PAX7: variants seen among roughly 807,000 people sequenced by gnomAD.
The protein encoded by PAX7 is paired box protein Pax-7.
Under a neutral mutation model 50.7 loss-of-function variants are expected in PAX7, and 18 were observed. That is an observed-to-expected ratio of 0.36 (90% CI 0.25 to 0.53). PAX7 has a LOEUF of 0.53. PAX7 is among the 20% of genes least tolerant of loss of function. The pLI is 0.93. For missense variants in PAX7, 644 were observed against 702.9 expected (o/e 0.92, Z 0.95); for synonymous variants, 310 against 290.4 (o/e 1.07, Z -0.69).
chr1:18,743,669 T>C (rs1295222632), intron 8 of PAX7, among the ~76,000 whole-genome samples: 2 of 152,198 alleles, frequency 1.3e-5, no homozygotes, highest in Non-Finnish European at 2.9e-5. Flanking sequence ...AGCCAAATCA[T>C]TTGGTCAGGG....
At chr1:18,738,433 G>A (rs2100411644) in intron 8 of PAX7, among the ~76,000 whole-genome samples, 1 of 152,266 alleles carries the variant, frequency 6.6e-6, no homozygotes. Flanking sequence ...AAGTCAGCAT[G>A]GGGGCAGCAG....
At chr1:18,657,617 G>A (rs993773231) in intron 4 of PAX7, among the ~76,000 whole-genome samples, 3 of 152,092 alleles carry the variant, frequency 2.0e-5, no homozygotes, top group East Asian at 1.9e-4. Flanking sequence ...ACCCAGCTCC[G>A]CTAGGCCCAG....
At chr1:18,740,152 C>A (rs971971697) in intron 8 of PAX7, among the ~76,000 whole-genome samples, 2 of 152,276 alleles carry the variant, frequency 1.3e-5, no homozygotes, top group East Asian at 3.9e-4. Flanking sequence ...CAGGGAGGGC[C>A]GTTGACGGAG....
At chr1:18,660,151 G>C (rs576423369) in intron 4 of PAX7, among the ~76,000 whole-genome samples, 1 of 152,214 alleles carries the variant, frequency 6.6e-6, no homozygotes, top group Non-Finnish European at 1.5e-5. Context: ...CCCTAGGATA[G>C]GGCCAAATGG....
chr1:18,658,289 G>A (rs2088553631), intron 4 of PAX7, among the ~76,000 whole-genome samples: 2 of 143,616 alleles, frequency 1.4e-5, no homozygotes. Context: ...ATATGTTACT[G>A]AGCCCATCCT....
At chr1:18,719,156 C>T (rs779982520) in intron 7 of PAX7, among the ~76,000 whole-genome samples, 16 of 152,248 alleles carry the variant, frequency 1.1e-4, no homozygotes, top group Non-Finnish European at 8.8e-5. Flanking sequence ...GTGGGTGCAG[C>T]AATGGCCTTA....
intron 8 of PAX7, among the ~76,000 whole-genome samples, chr1:18,742,515 C>T (rs1317090051): frequency 1.3e-5 from 2 of 152,156 alleles, no homozygotes; most frequent in African/African-American, 4.8e-5. Context: ...CTTCCAGTAG[C>T]AGAGTTGGTG....
At chr1:18,695,577 G>A (rs146504453) in intron 5 of PAX7, among the ~76,000 whole-genome samples, 2 of 152,330 alleles carry the variant, frequency 1.3e-5, no homozygotes, top group East Asian at 3.9e-4. Context: ...CCTGCTAGAT[G>A]TTACCAGTGC....
At chr1:18,717,367 G>C (rs1250720328) in intron 7 of PAX7, among the ~76,000 whole-genome samples, 1 of 152,184 alleles carries the variant, frequency 6.6e-6, no homozygotes, top group African/African-American at 2.4e-5. Flanking sequence ...GCTGGAGAGA[G>C]AGGCTCCCTC....
At chr1:18,740,287 C>T (rs548251324) in intron 8 of PAX7, among the ~76,000 whole-genome samples, 1 of 152,270 alleles carries the variant, frequency 6.6e-6, no homozygotes, top group Non-Finnish European at 1.5e-5. Flanking sequence ...AGTTTGGCTT[C>T]CTGGTGTTTC....
intron 7 of PAX7, among the ~76,000 whole-genome samples, chr1:18,715,593 GATGC>G (rs1352291525): frequency 1.3e-5 from 2 of 152,152 alleles, no homozygotes; most frequent in African/African-American, 4.8e-5. Context: ...GGGGGGTCAA[GATGC>G]ATGCTAGAAT....
intron 7 of PAX7, among the ~76,000 whole-genome samples, chr1:18,727,371 TACACACACA>T (rs2089587694): frequency 0.017 from 2,305 of 134,070 alleles, 73 homozygotes; most frequent in African/African-American, 0.06. Context: ...CTCTCTCTCA[TACACACACA>T]CACACACACA....
chr1:18,651,043 C>T (rs1012700304), intron 4 of PAX7, among the ~76,000 whole-genome samples: 16 of 152,266 alleles, frequency 1.1e-4, no homozygotes, highest in Non-Finnish European at 2.4e-4. Context: ...CACGGAAGGA[C>T]CCCTGGACTT....
In PAX7 at chr1:18,700,138, A is replaced by G. The variant is rs2089199550; in HGVS notation, c.787-515A>G. Among the ~76,000 whole-genome samples the G allele has an allele frequency of 6.6e-6, 1 of 150,894 alleles. No individual in the cohort carries two copies. Among genetic ancestry groups the G allele is most frequent in the Non-Finnish European group, 1.5e-5 (1 of 67,792 alleles). Reference sequence around the variant, plus strand: ...TGTGTTTCCTATTTCAAGGAGGCCCAGGGTGTGTAAGCAAAGTAGGGCCTC... The same window carrying G: ...TGTGTTTCCTATTTCAAGGAGGCCCGGGGTGTGTAAGCAAAGTAGGGCCTC... On this transcript the variant is annotated intron_variant, in intron 5 of 8. Transcript: ENST00000420770. This position sits in a 1 kb window ranked among gnomAD's most constrained non-coding sequence, Gnocchi z 4.8.
chr1:18,636,179 CCGCT>C lies in PAX7; in HGVS notation c.452-52_452-49del. ...GACTTTCTCCCAGGGGCCCAGGCCACCGCTCGCTCCTCTGCTCCAACAACTTATA... is the reference window on the plus strand; with the variant it reads ...GACTTTCTCCCAGGGGCCCAGGCCACCGCTCCTCTGCTCCAACAACTTATA... On this transcript the variant is annotated intron_variant, in intron 3 of 8. Transcript: ENST00000420770. This position sits in a 1 kb window ranked among gnomAD's most constrained non-coding sequence, Gnocchi z 5.1. The C allele has an allele frequency of 1.3e-6, 2 of 1,581,124 alleles. No homozygotes were observed. The highest frequency in any genetic ancestry group is 1.7e-6 in the Non-Finnish European group (2 of 1,160,176).
intron 8 of PAX7, among the ~76,000 whole-genome samples, chr1:18,737,586 G>A (rs1435793618): frequency 2.0e-5 from 3 of 152,254 alleles, no homozygotes; most frequent in African/African-American, 4.8e-5. Context: ...GTTATTGCAT[G>A]CATCTTTGCA....
In PAX7 at chr1:18,636,178, A is replaced by G. The variant is rs1266463665; in HGVS notation, c.452-59A>G. 6.3e-7 allele frequency: 1 copy of G among 1,579,648 alleles called. No individual in the cohort carries two copies. The highest frequency in any genetic ancestry group is 1.4e-5 in the African/African-American group (1 of 73,906). On this transcript the variant is annotated intron_variant, in intron 3 of 8. Coordinates refer to ENST00000420770, the MANE Select transcript of PAX7 (RefSeq NM_001135254.2). The surrounding 1 kb of genome is among the most constrained non-coding windows in gnomAD (Gnocchi z 5.1). ...TGACTTTCTCCCAGGGGCCCAGGCCACCGCTCGCTCCTCTGCTCCAACAAC... is the reference window on the plus strand; with the variant it reads ...TGACTTTCTCCCAGGGGCCCAGGCCGCCGCTCGCTCCTCTGCTCCAACAAC...
chr1:18,731,549 C>G (rs2089647530), intron 7 of PAX7, among the ~76,000 whole-genome samples: 1 of 152,030 alleles, frequency 6.6e-6, no homozygotes, highest in African/African-American at 2.4e-5. Flanking sequence ...AGTCCATGAA[C>G]TGGCCAATAT....
intron 4 of PAX7, among the ~76,000 whole-genome samples, chr1:18,653,400 G>C (rs2088464816): frequency 6.6e-6 from 1 of 152,180 alleles, no homozygotes; most frequent in South Asian, 2.1e-4. Flanking sequence ...CACGGTTACA[G>C]TGGATCAAAT....
Sources: gnomAD v4.1 joint callset for allele counts (sites outside exome capture counted in the v4.1 genomes callset) on GRCh38, gnomAD v4.1.1 for gene constraint, Gnocchi (gnomAD v3.1) non-coding constraint, MANE v1.5 for transcripts, NCBI Gene and HGNC (gene_info 2026-07-23, HGNC 2026-07-21) for gene names.